Variants in DCAF6 observed in about 807,000 individuals in gnomAD.
DCAF6 encodes the protein DDB1- and CUL4-associated factor 6.
In DCAF6, 54 loss-of-function variants were observed where a neutral mutation model predicts 125.1. The ratio of observed to expected loss-of-function variants is 0.43; its 90% CI spans 0.35 to 0.54. DCAF6 has a LOEUF of 0.54. Among genes scored for constraint, DCAF6 ranks in the 20% least tolerant of loss-of-function variants. DCAF6 has a pLI of 0.01. For synonymous variants in DCAF6, 371 were observed against 390.4 expected, an observed-to-expected ratio of 0.95 and a Z score of 0.58; for missense variants, 934 against 1,161.7, an observed-to-expected ratio of 0.80 and a Z score of 2.85.
intron 7 of DCAF6, 94 bp from the exon 8 acceptor site, chr1:168,002,388 G>T: frequency 9.5e-7 from 1 of 1,048,742 alleles, no homozygotes; most frequent in Non-Finnish European, 1.5e-6. Flanking sequence ...CAAGAAGTAG[G>T]GAGATGGAAA....
chr1:168,062,210 T>C (rs575199045), intron 17 of DCAF6, among the ~76,000 whole-genome samples: 15 of 152,156 alleles, frequency 9.9e-5, no homozygotes, highest in Non-Finnish European at 4.4e-5. Context: ...TAATTCATGA[T>C]ATCAGAAGTC....
the DCAF6 span, among the ~76,000 whole-genome samples, chr1:167,882,400 G>T: frequency 6.7e-6 from 1 of 149,842 alleles, no homozygotes; most frequent in Non-Finnish European, 1.5e-5. Flanking sequence ...CAAGAGAATC[G>T]CTTGAACCCG....
At chr1:167,895,829 T>A in the DCAF6 span, among the ~76,000 whole-genome samples, 2 of 152,152 alleles carry the variant, frequency 1.3e-5, no homozygotes, top group African/African-American at 4.8e-5. Flanking sequence ...AATGGTTCAC[T>A]AAGAAGTGAG....
At chr1:167,882,484 C>CAAAAAAAA in the DCAF6 span, among the ~76,000 whole-genome samples, 4 of 71,148 alleles carry the variant, frequency 5.6e-5, no homozygotes, top group Admixed American at 1.6e-4. Flanking sequence ...GATTCCGTCT[C>CAAAAAAAA]AAAAAAAAAA....
chr1:167,946,955 T>A (rs1045214646), intron 1 of DCAF6, among the ~76,000 whole-genome samples: 5 of 152,236 alleles, frequency 3.3e-5, no homozygotes, highest in South Asian at 2.1e-4. Context: ...TGATATTACT[T>A]CTTCTTTGTA....
the DCAF6 span, among the ~76,000 whole-genome samples, chr1:167,876,546 G>A: frequency 1.3e-5 from 2 of 152,172 alleles, no homozygotes; most frequent in Non-Finnish European, 2.9e-5. Flanking sequence ...CTAAGTTTGT[G>A]TATGTTGGTC....
the DCAF6 span, among the ~76,000 whole-genome samples, chr1:167,910,778 G>A: frequency 6.6e-6 from 1 of 152,208 alleles, no homozygotes; most frequent in East Asian, 1.9e-4. Flanking sequence ...AACTGAGCAG[G>A]GCGTAGCTCT....
intron 2 of DCAF6, among the ~76,000 whole-genome samples, chr1:167,958,509 G>GT (rs1364985068): frequency 2.6e-5 from 4 of 151,822 alleles, no homozygotes; most frequent in Non-Finnish European, 5.9e-5. Context: ...GTATGTGTTT[G>GT]TTTTTGCCAG....
intron 20 of DCAF6, 80 bp downstream of exon 20, chr1:168,066,545 T>C (rs1346322178): frequency 2.0e-5 from 19 of 969,890 alleles, no homozygotes; most frequent in South Asian, 1.6e-5. Context: ...TTAAAAGTTA[T>C]TAGTTGCTAA....
chr1:167,901,848 G>T, the DCAF6 span: 2 of 1,613,896 alleles, frequency 1.2e-6, no homozygotes, highest in African/African-American at 1.3e-5. Context: ...CTGCCCTGGG[G>T]ATCAATCTAT....
chr1:167,906,232 C>T, the DCAF6 span, among the ~76,000 whole-genome samples: 1 of 151,434 alleles, frequency 6.6e-6, no homozygotes, highest in African/African-American at 2.4e-5. Flanking sequence ...ATATAGTATA[C>T]ATTTAAAAAT....
the DCAF6 span, chr1:167,913,909 C>T: frequency 6.6e-6 from 1 of 152,336 alleles, no homozygotes; most frequent in African/African-American, 2.4e-5. Flanking sequence ...TGTCTTCTTT[C>T]CTGACGGTCG....
the DCAF6 span, among the ~76,000 whole-genome samples, chr1:167,902,455 A>AG: frequency 1.3e-5 from 2 of 152,256 alleles, no homozygotes; most frequent in Non-Finnish European, 2.9e-5. Flanking sequence ...CACAAAAACT[A>AG]GGAGTCAGGG....
At chr1:168,062,653 T>TCAGA (rs1691743422) in intron 17 of DCAF6, among the ~76,000 whole-genome samples, 1 of 151,906 alleles carries the variant, frequency 6.6e-6, no homozygotes, top group African/African-American at 2.4e-5. Flanking sequence ...TATGGACGTC[T>TCAGA]GGTCTGTTAT....
chr1:167,905,268 A>G, the DCAF6 span: 1 of 1,224,642 alleles, frequency 8.2e-7, no homozygotes. Flanking sequence ...CTCTTTCTCC[A>G]TTTGTTTTGT....
At chr1:167,964,005 A>G (rs993520134) in intron 2 of DCAF6, among the ~76,000 whole-genome samples, 6 of 152,194 alleles carry the variant, frequency 3.9e-5, no homozygotes, top group Admixed American at 3.9e-4. Context: ...ATTTTTGTAT[A>G]TGTGCTAGAT....
chr1:167,912,691 C>G, the DCAF6 span, among the ~76,000 whole-genome samples: 43 of 152,224 alleles, frequency 2.8e-4, 1 homozygote, highest in Non-Finnish European at 5.3e-4. Flanking sequence ...TTCCTTCTTG[C>G]CTATTAAACT....
intron 10 of DCAF6, among the ~76,000 whole-genome samples, chr1:168,007,940 T>A (rs1214074329): frequency 6.6e-6 from 1 of 151,004 alleles, no homozygotes; most frequent in Non-Finnish European, 1.5e-5. Context: ...TTTGACAGTA[T>A]GTTTTTGTTA....
In DCAF6 at chr1:167,987,557, G is replaced by A. The variant is rs746603818; in HGVS notation, c.501G>A (p.Arg167=). The A allele has an allele frequency of 6.2e-7, 1 of 1,609,092 alleles. No individual in the cohort carries two copies. The highest frequency in any genetic ancestry group is 1.3e-5 in the African/African-American group (1 of 74,892). Residue 167 remains arginine, a synonymous_variant, in exon 5 of 22, where the codon AGG becomes AGA. Coordinates refer to ENST00000367840, the MANE Select transcript of DCAF6 (RefSeq NM_001198956.2). ...CTTGTGGTGAAGATGGAACTGTTAG[G>A]TGGTTTGATACACGCATCAAAACTA... The part of the protein sequence containing the change: ...FLSCGEDGTV[R]WFDTRIKTSC...
Sources: gnomAD v4.1 joint callset for allele counts (sites outside exome capture counted in the v4.1 genomes callset) on GRCh38, gnomAD v4.1.1 for gene constraint, MANE v1.5 for transcripts, NCBI Gene and HGNC (gene_info 2026-07-23, HGNC 2026-07-21) for gene names.